The following IPCEF1 variants were observed in gnomAD, a reference collection of about 807,000 sequenced individuals.
IPCEF1 encodes interaction protein for cytohesin exchange factors 1.
A neutral mutation model predicts 50.9 loss-of-function variants in IPCEF1; 31 were observed. That is an observed-to-expected ratio of 0.61 (90% CI 0.46 to 0.82). The LOEUF is 0.82. IPCEF1 is among the 40% of genes least tolerant of loss of function. The pLI is 0.00. For synonymous variants in IPCEF1, 181 were observed against 192.0 expected (o/e 0.94, Z 0.47); for missense variants, 458 against 514.0 (o/e 0.89, Z 1.05).
At chr6:154,205,981 T>C (rs1777461946) in intron 9 of IPCEF1, among the ~76,000 whole-genome samples, 2 of 152,226 alleles carry the variant, frequency 1.3e-5, no homozygotes, top group East Asian at 1.9e-4. Context: ...CTGAAACTAA[T>C]GGCTTACATC....
At position 154,266,082 on chromosome 6, in the gene IPCEF1, A is replaced by T. The variant is rs567357516; in HGVS notation, c.-17-118T>A. On this transcript the variant is annotated intron_variant, in intron 2 of 11. Transcript: ENST00000367220. ...TGTGATTAATCAATTTTACAATAAA[A>T]GTAATTCATTAAATAGCCTTTCGGC... 7.7e-6 allele frequency: 5 copies of T among 649,706 alleles called. No individual in the cohort carries two copies. The South Asian group carries it at 1.0e-4, about 13-fold the overall frequency. The allele number at this position is 649,706 out of a possible 1,614,324, so 40.2% of individuals were successfully genotyped here.
chr6:154,316,526 A>T (rs958626551), intron 1 of IPCEF1, among the ~76,000 whole-genome samples: 7 of 152,196 alleles, frequency 4.6e-5, no homozygotes, highest in African/African-American at 1.7e-4. Context: ...ACACAGAAAA[A>T]CCAATACTGC....
chr6:154,170,026 G>C (rs1487924801), intron 10 of IPCEF1, among the ~76,000 whole-genome samples: 2 of 152,140 alleles, frequency 1.3e-5, no homozygotes, highest in African/African-American at 4.8e-5. Flanking sequence ...CAGCCTGTGG[G>C]AGCTAATATG....
chr6:154,326,638 C>T (rs1052332744), intron 1 of IPCEF1, among the ~76,000 whole-genome samples: 34 of 152,162 alleles, frequency 2.2e-4, no homozygotes, highest in African/African-American at 8.0e-4. Flanking sequence ...GGCCATATTG[C>T]TCAAAGTAAC....
At chr6:154,186,669 G>A (rs1200515433) in intron 10 of IPCEF1, among the ~76,000 whole-genome samples, 2 of 152,078 alleles carry the variant, frequency 1.3e-5, no homozygotes, top group African/African-American at 4.8e-5. Context: ...CCATTCTCCT[G>A]CCTCAGCCTC....
chr6:154,160,849 G>A (rs924227092), intron 11 of IPCEF1, among the ~76,000 whole-genome samples: 1 of 152,088 alleles, frequency 6.6e-6, no homozygotes, highest in Non-Finnish European at 1.5e-5. Context: ...AATATATCAC[G>A]TTTGATCTGC....
intron 5 of IPCEF1, among the ~76,000 whole-genome samples, chr6:154,242,255 C>G (rs926452687): frequency 6.6e-6 from 1 of 152,082 alleles, no homozygotes; most frequent in African/African-American, 2.4e-5. Context: ...CTAATCGGAA[C>G]CTTGGGGCCT....
chr6:154,166,862 G>A (rs181526748), intron 11 of IPCEF1, among the ~76,000 whole-genome samples: 35 of 152,152 alleles, frequency 2.3e-4, no homozygotes, highest in Admixed American at 9.2e-4. Context: ...GTGAAATGGC[G>A]GCCAGTGATA....
chr6:154,293,518 C>T (rs1782562973), intron 1 of IPCEF1, among the ~76,000 whole-genome samples: 1 of 152,192 alleles, frequency 6.6e-6, no homozygotes, highest in African/African-American at 2.4e-5. Flanking sequence ...CTGAATATCT[C>T]ACTTCAAAGC....
chr6:154,251,921 T>C (rs920208169), intron 3 of IPCEF1, among the ~76,000 whole-genome samples: 2 of 152,092 alleles, frequency 1.3e-5, no homozygotes, highest in African/African-American at 2.4e-5. Flanking sequence ...TCGTGGAGTT[T>C]CTAGCTGAAA....
At chr6:154,271,545 C>A (rs1210391056) in intron 2 of IPCEF1, among the ~76,000 whole-genome samples, 3 of 152,136 alleles carry the variant, frequency 2.0e-5, no homozygotes, top group South Asian at 2.1e-4. Context: ...AGAAGTATAA[C>A]CTTTTTTACC....
intron 10 of IPCEF1, among the ~76,000 whole-genome samples, chr6:154,198,631 TACACACACACACAC>T (rs3070838): frequency 2.0e-3 from 300 of 146,804 alleles, no homozygotes; most frequent in Admixed American, 4.2e-3. Context: ...AAATATTACA[TACACACACACACAC>T]ACACACACAC....
rs1005786043 is a variant in IPCEF1 at position 154,316,058 on chromosome 6, A to G, written c.-61-26302T>C. On this transcript the variant is annotated intron_variant, in intron 1 of 11. Coordinates refer to ENST00000367220, the MANE Select transcript of IPCEF1 (RefSeq NM_001130700.2). ...TATTTTCAGTAGAGACAGTTTCACC[A>G]TGTTGGCCAGGCTAGTCTTGAACTC... 1.8e-4 allele frequency among the ~76,000 whole-genome samples: 27 copies of G among 152,158 alleles called. 1 individual carries two copies. Among genetic ancestry groups the G allele is most frequent in the Non-Finnish European group, 2.5e-4 (17 of 68,024 alleles).
At chr6:154,342,219 C>T (rs984240403) in intron 1 of IPCEF1, among the ~76,000 whole-genome samples, 2 of 152,170 alleles carry the variant, frequency 1.3e-5, no homozygotes, top group African/African-American at 4.8e-5. Flanking sequence ...TGTTTGATTC[C>T]ACACCAATAA....
intron 1 of IPCEF1, among the ~76,000 whole-genome samples, chr6:154,308,199 C>G (rs948385047): frequency 3.3e-5 from 5 of 152,218 alleles, no homozygotes; most frequent in African/African-American, 1.2e-4. Flanking sequence ...GCTGCAGCCT[C>G]AAGCTCCCAG....
chr6:154,242,736 A>G (rs1424367951), intron 5 of IPCEF1, among the ~76,000 whole-genome samples: 1 of 152,032 alleles, frequency 6.6e-6, no homozygotes, highest in East Asian at 1.9e-4. Flanking sequence ...AAAATACAAA[A>G]ATTAGCGGGG....
intron 2 of IPCEF1, among the ~76,000 whole-genome samples, chr6:154,272,152 T>C (rs1448044331): frequency 6.6e-6 from 1 of 152,208 alleles, no homozygotes; most frequent in African/African-American, 2.4e-5. Flanking sequence ...ATAAGGTGTT[T>C]GTGAGAATTA....
At chr6:154,266,674 ATCACTAT>A (rs1369736677) in intron 2 of IPCEF1, among the ~76,000 whole-genome samples, 1 of 151,558 alleles carries the variant, frequency 6.6e-6, no homozygotes, top group African/African-American at 2.4e-5. Context: ...AATGTGGCCC[ATCACTAT>A]TATCCAACTT....
At position 154,158,972 on chromosome 6, in the gene IPCEF1, T is replaced by C. The variant is rs751343702; in HGVS notation, c.*856A>G. On this transcript the variant is annotated 3_prime_UTR_variant, in exon 12 of 12. Transcript: ENST00000367220. ...AGATGCCAAAGTCGTCTTGTCAATA[T>C]TGATCCTGGGAAACCTGGATATAAA... The C allele has an allele frequency of 1.3e-5, 2 of 152,174 alleles. No individual in the cohort carries two copies. Among genetic ancestry groups the C allele is most frequent in the African/African-American group, 2.4e-5 (1 of 41,426 alleles). The allele number at this position is 152,174 out of a possible 1,614,324, so 9.4% of individuals were successfully genotyped here.
Sources: gnomAD v4.1 joint callset for allele counts (sites outside exome capture counted in the v4.1 genomes callset) on GRCh38, gnomAD v4.1.1 for gene constraint, MANE v1.5 for transcripts, NCBI Gene and HGNC (gene_info 2026-07-23, HGNC 2026-07-21) for gene names.